Variants in MCPH1 observed in about 807,000 individuals in gnomAD.
MCPH1 encodes microcephalin.
In MCPH1, 104 loss-of-function variants were observed where a neutral mutation model predicts 84.5. The ratio of observed to expected loss-of-function variants is 1.23; its 90% confidence interval spans 1.05 to 1.45. The LOEUF (loss-of-function observed/expected upper bound fraction) is 1.45. Ranked by LOEUF, MCPH1 falls within the 40% of genes most tolerant of loss-of-function variation. The probability of loss-of-function intolerance (pLI) is 0.00; values close to 1 mark genes in which losing one functional copy is unlikely to be tolerated. For synonymous variants in MCPH1, 514 were observed against 366.8 expected (o/e 1.40, Z -4.58); for missense variants, 1,498 against 1,005.7 (o/e 1.49, Z -6.62).
chr8:6,601,659 G>A (rs73511012), intron 12 of MCPH1, among the ~76,000 whole-genome samples: 4 of 139,582 alleles, frequency 2.9e-5, no homozygotes, highest in African/African-American at 1.3e-4. Flanking sequence ...ACACAACACA[G>A]ACATTAAATA....
intron 11 of MCPH1, among the ~76,000 whole-genome samples, chr8:6,497,969 T>C (rs901917784): frequency 2.0e-5 from 3 of 152,306 alleles, no homozygotes; most frequent in South Asian, 2.1e-4. Flanking sequence ...ATGCTCTCAC[T>C]GCTCCTTCCC....
chr8:6,555,724 A>T (rs111382985), intron 12 of MCPH1, among the ~76,000 whole-genome samples: 1 of 152,132 alleles, frequency 6.6e-6, no homozygotes, highest in Non-Finnish European at 1.5e-5. Context: ...CGGCCTCCGA[A>T]AGTGCTGCGA....
chr8:6,640,903 T>C (rs1031657892), intron 13 of MCPH1, among the ~76,000 whole-genome samples: 6 of 152,228 alleles, frequency 3.9e-5, no homozygotes, highest in Non-Finnish European at 7.3e-5. Context: ...CTGACCTATA[T>C]TGCCCCCTGT....
At chr8:6,597,270 C>A (rs191037828) in intron 12 of MCPH1, among the ~76,000 whole-genome samples, 1 of 152,278 alleles carries the variant, frequency 6.6e-6, no homozygotes, top group Admixed American at 6.5e-5. Flanking sequence ...TCATCACTGT[C>A]GACCCGGAGC....
chr8:6,563,557 A>G (rs1349931146), intron 12 of MCPH1: 1 of 152,262 alleles, frequency 6.6e-6, no homozygotes, highest in Non-Finnish European at 1.5e-5. Context: ...TAAGCTGGCA[A>G]AATATCTGAG....
chr8:6,509,169 C>G (rs1814416815), intron 12 of MCPH1: 3 of 1,399,302 alleles, frequency 2.1e-6, no homozygotes, highest in Non-Finnish European at 2.9e-6. Flanking sequence ...GTGTTCTGTA[C>G]TCGTTAATGG....
chr8:6,527,617 G>C (rs993973042), intron 12 of MCPH1: 14 of 1,613,752 alleles, frequency 8.7e-6, no homozygotes, highest in African/African-American at 4.0e-5. Context: ...TTTCCAATTT[G>C]TTTGTCGAGA....
chr8:6,626,469 GTTTTGT>G lies in MCPH1; in HGVS notation c.2452+4783_2452+4788del, dbSNP rs1242576116. On this transcript the variant is annotated intron_variant, in intron 13 of 13. Transcript: ENST00000344683. Reference sequence around the variant, plus strand: ...AATGGGGTTGTTGTTTGGTTTTTTTGTTTTGTTTTTTTTTTTTTTTTTGCGTTTTGA... The same window carrying G: ...AATGGGGTTGTTGTTTGGTTTTTTTGTTTTTTTTTTTTTTTTGCGTTTTGA... 51 of 827,500 alleles carry G rather than the reference GTTTTGT, an allele frequency of 6.2e-5. No homozygotes were observed. In the African/African-American group the frequency reaches 1.2e-3, roughly 19 times the overall value. The allele number at this position is 827,500 out of a possible 1,614,324, so 51.3% of individuals were successfully genotyped here.
In MCPH1 at chr8:6,431,440, C is replaced by G. The variant is rs530772944; in HGVS notation, c.234-59C>G. 9.2e-5 allele frequency: 115 copies of G among 1,249,044 alleles called. No homozygotes were observed. The African/African-American group carries it at 1.4e-3, about 15-fold the overall frequency. The allele number at this position is 1,249,044 out of a possible 1,614,324, so 77.4% of individuals were successfully genotyped here. On this transcript the variant is annotated intron_variant, in intron 3 of 13. Transcript: ENST00000344683. The stretch of plus-strand genomic sequence containing the variant: ...TGCTAATACATGTGCAGATTTAGTG[C>G]TGTGTCAATGTATAATAGAAGCAAA...
chr8:6,542,703 T>C (rs1026115115), intron 12 of MCPH1, among the ~76,000 whole-genome samples: 4 of 152,198 alleles, frequency 2.6e-5, no homozygotes, highest in African/African-American at 7.2e-5. Context: ...CTCTCTGCCC[T>C]GTTTTTGCTG....
intron 12 of MCPH1, chr8:6,532,523 C>A (rs1363743344): frequency 6.6e-7 from 1 of 1,511,416 alleles, no homozygotes; most frequent in East Asian, 2.4e-5. Context: ...AGTCATTAGT[C>A]AAATGACCGG....
intron 12 of MCPH1, chr8:6,521,238 G>C (rs750035675): frequency 6.2e-7 from 1 of 1,613,918 alleles, no homozygotes; most frequent in Non-Finnish European, 8.5e-7. Context: ...TCATGTTGCT[G>C]CTTCTGAAGA....
At chr8:6,627,333 G>C (rs570864288) in intron 13 of MCPH1, 2 of 974,810 alleles carry the variant, frequency 2.1e-6, no homozygotes, top group Non-Finnish European at 1.2e-6. Context: ...GCAGAGAGGA[G>C]AGTGAGGACG....
chr8:6,603,932 G>A (rs1048233972), intron 12 of MCPH1, among the ~76,000 whole-genome samples: 3 of 151,836 alleles, frequency 2.0e-5, no homozygotes, highest in African/African-American at 7.3e-5. Flanking sequence ...AAAATAATTT[G>A]GTGAAGATAT....
At chr8:6,480,483 C>T (rs1015062986) in intron 10 of MCPH1, among the ~76,000 whole-genome samples, 1 of 152,196 alleles carries the variant, frequency 6.6e-6, no homozygotes, top group Non-Finnish European at 1.5e-5. Context: ...AAGCCATTGA[C>T]AGCCTGTGGG....
intron 3 of MCPH1, among the ~76,000 whole-genome samples, chr8:6,416,772 T>C (rs191346514): frequency 3.0e-4 from 46 of 152,222 alleles, no homozygotes; most frequent in African/African-American, 1.0e-3. Flanking sequence ...GGGGGGTGGA[T>C]CACCTGAGAT....
At chr8:6,509,400 C>G (rs1314658159) in intron 12 of MCPH1, among the ~76,000 whole-genome samples, 1 of 152,202 alleles carries the variant, frequency 6.6e-6, no homozygotes, top group African/African-American at 2.4e-5. Context: ...TCCCAGGTCT[C>G]CAGTCATCTT....
In MCPH1 at chr8:6,414,250, C is replaced by T. The variant is rs1477714414; in HGVS notation, c.115-515C>T. ...CTCAAACTGCTGACCTCAGGTGATC[C>T]ACCTGCCTCGGCCTCCCAAAGTGCT... On this transcript the variant is annotated intron_variant, in intron 2 of 13. Transcript: ENST00000344683. Among the ~76,000 whole-genome samples, 6 of 152,336 alleles carry T rather than the reference C, an allele frequency of 3.9e-5. No individual in the cohort carries two copies. The East Asian group carries it at 1.2e-3, about 29-fold the overall frequency.
intron 12 of MCPH1, chr8:6,501,496 A>T (rs1812169326): frequency 6.6e-6 from 1 of 151,686 alleles, no homozygotes; most frequent in South Asian, 2.1e-4. Flanking sequence ...AAACTCCAGG[A>T]GTTTATGGTT....
Sources: gnomAD v4.1 joint callset for allele counts (sites outside exome capture counted in the v4.1 genomes callset) on GRCh38, gnomAD v4.1.1 for gene constraint, MANE v1.5 for transcripts, NCBI Gene and HGNC (gene_info 2026-07-23, HGNC 2026-07-21) for gene names.